The following NELL1 variants were observed in gnomAD, a reference collection of about 807,000 sequenced individuals.
The protein encoded by NELL1 is neural EGFL like 1, also known as protein kinase C-binding protein NELL1.
Under a neutral mutation model 107.4 loss-of-function variants are expected in NELL1, and 76 were observed. The observed-to-expected ratio is 0.71, with a 90% CI of 0.59 to 0.86. The LOEUF is 0.86. Among genes scored for constraint, NELL1 ranks in the 40% least tolerant of loss-of-function variants. NELL1 has a pLI of 0.00. For synonymous variants in NELL1, 353 were observed against 341.2 expected (o/e 1.03, Z -0.38); for missense variants, 1,024 against 1,005.5 (o/e 1.02, Z -0.25).
chr11:20,829,120 C>T (rs573576144), intron 3 of NELL1, among the ~76,000 whole-genome samples: 1 of 151,956 alleles, frequency 6.6e-6, no homozygotes, highest in East Asian at 1.9e-4. Context: ...AAAAATGATA[C>T]AGCAAGTCTT....
chr11:21,076,662 C>A (rs1352061445), intron 12 of NELL1, among the ~76,000 whole-genome samples: 1 of 152,084 alleles, frequency 6.6e-6, no homozygotes, highest in Non-Finnish European at 1.5e-5. Context: ...GAAATTTGAT[C>A]CCCAGTGTTG....
At chr11:21,024,831 C>A (rs368528282) in intron 12 of NELL1, among the ~76,000 whole-genome samples, 1 of 152,082 alleles carries the variant, frequency 6.6e-6, no homozygotes, top group Non-Finnish European at 1.5e-5. Flanking sequence ...TGGTTCATTG[C>A]ATGAAAAAGA....
chr11:20,829,827 G>A (rs935705035), intron 3 of NELL1, among the ~76,000 whole-genome samples: 3 of 151,514 alleles, frequency 2.0e-5, no homozygotes, highest in African/African-American at 7.3e-5. Flanking sequence ...AAATGATGTT[G>A]CTTTTTCTCT....
chr11:20,822,081 C>T (rs969607196), intron 3 of NELL1, among the ~76,000 whole-genome samples: 4 of 152,146 alleles, frequency 2.6e-5, no homozygotes, highest in Non-Finnish European at 4.4e-5. Context: ...CTGAGTGTCC[C>T]CAAGTCAGTC....
chr11:21,139,616 A>G (rs549235277), intron 13 of NELL1, among the ~76,000 whole-genome samples: 8 of 152,334 alleles, frequency 5.3e-5, no homozygotes, highest in South Asian at 2.1e-4. Flanking sequence ...CTTTTCTTCA[A>G]TCCATATCCT....
At chr11:21,021,269 TGATGGGGCTGGG>T (rs1852694168) in intron 12 of NELL1, among the ~76,000 whole-genome samples, 1 of 145,618 alleles carries the variant, frequency 6.9e-6, no homozygotes, top group Admixed American at 7.0e-5. Flanking sequence ...AAGCTTGGCT[TGATGGGGCTGGG>T]GGTGGGGGTG....
chr11:20,970,489 T>C (rs1851476806), intron 12 of NELL1, among the ~76,000 whole-genome samples: 2 of 152,196 alleles, frequency 1.3e-5, no homozygotes, highest in Admixed American at 1.3e-4. Flanking sequence ...TAGGATTTGT[T>C]CTATCCTAGG....
At chr11:21,428,013 T>C (rs1852872977) in intron 15 of NELL1, among the ~76,000 whole-genome samples, 1 of 152,204 alleles carries the variant, frequency 6.6e-6, no homozygotes, top group African/African-American at 2.4e-5. Flanking sequence ...CAGCTGATCC[T>C]GAAGCTGAAT....
At chr11:21,462,870 G>T (rs952010716) in intron 15 of NELL1, among the ~76,000 whole-genome samples, 7 of 151,918 alleles carry the variant, frequency 4.6e-5, no homozygotes, top group African/African-American at 1.4e-4. Context: ...TATCTCCATA[G>T]AAAAATAAAT....
In NELL1 at chr11:21,217,334, G is replaced by A. The variant is rs76157606; in HGVS notation, c.1427-11998G>A. On this transcript the variant is annotated intron_variant, in intron 13 of 19. Coordinates refer to ENST00000357134, the MANE Select transcript of NELL1 (RefSeq NM_006157.5). ...TACATTGGGGAAAGGTAGGCAAAGG[G>A]TACATTGGGGGAAGCTAGGGGAAAG... Among the ~76,000 whole-genome samples, 520 of 152,264 alleles carry A rather than the reference G, an allele frequency of 3.4e-3. 6 individuals carry two copies. The highest frequency in any genetic ancestry group is 0.012 in the African/African-American group (509 of 41,556).
chr11:20,982,912 A>T (rs1310735348), intron 12 of NELL1, among the ~76,000 whole-genome samples: 2 of 152,308 alleles, frequency 1.3e-5, no homozygotes, highest in East Asian at 3.9e-4. Flanking sequence ...ACCTCCAACA[A>T]ATTTACCTTT....
intron 15 of NELL1, among the ~76,000 whole-genome samples, chr11:21,384,489 A>G (rs527417952): frequency 6.6e-6 from 1 of 151,896 alleles, no homozygotes; most frequent in South Asian, 2.1e-4. Context: ...GTACATGTGC[A>G]AAATGTGCAG....
At chr11:21,240,435 A>G (rs1565126172) in intron 14 of NELL1, among the ~76,000 whole-genome samples, 2 of 151,994 alleles carry the variant, frequency 1.3e-5, no homozygotes. Context: ...AAGGAAGAGT[A>G]TTTAGGCCCA....
Position 20,928,407 on chromosome 11 carries a change from T to C in NELL1, c.925T>C (p.Cys309Arg). The C allele has an allele frequency of 6.2e-7, 1 of 1,614,090 alleles. No homozygotes were observed. Among genetic ancestry groups the C allele is most frequent in the Non-Finnish European group, 8.5e-7 (1 of 1,179,968 alleles). ...SGAVECRRMS[C>R]PPLNCSPDSL... The stretch of plus-strand genomic sequence containing the variant: ...TGCCGTGGAATGCCGAAGGATGTCC[T>C]GTCCCCCTCTCAATTGCTCCCCAGA... Residue 309 changes from cysteine (C) to arginine (R), a missense_variant, in exon 9 of 20, where the codon TGT (cysteine) becomes CGT (arginine). By Grantham distance (180) the Cys-to-Arg change is radical. Transcript: ENST00000357134.
rs138630421 is a variant in NELL1, at chr11:21,374,057, T to A, written c.1645+3109T>A. On this transcript the variant is annotated intron_variant, in intron 15 of 19. Transcript: ENST00000357134. ...AACACAAAGTCCTCCTAGAGAATTT[T>A]CACATGTAAAATCAAAGAGCTACAC... Among the ~76,000 whole-genome samples the A allele has an allele frequency of 5.6e-3, 853 of 152,144 alleles. 6 individuals are homozygous for A. Among genetic ancestry groups the A allele is most frequent in the African/African-American group, 0.017 (714 of 41,530 alleles).
intron 15 of NELL1, among the ~76,000 whole-genome samples, chr11:21,506,509 G>A (rs1246872566): frequency 6.6e-6 from 1 of 152,128 alleles, no homozygotes; most frequent in Non-Finnish European, 1.5e-5. Context: ...GGAATAAAAT[G>A]GCCTTCATTC....
At chr11:20,985,557 A>G (rs1851835834) in intron 12 of NELL1, among the ~76,000 whole-genome samples, 1 of 152,200 alleles carries the variant, frequency 6.6e-6, no homozygotes, top group African/African-American at 2.4e-5. Flanking sequence ...GTATGGTGCC[A>G]TAAGAACCCA....
chr11:21,030,931 G>T (rs1045751743), intron 12 of NELL1, among the ~76,000 whole-genome samples: 3 of 152,080 alleles, frequency 2.0e-5, no homozygotes, highest in Non-Finnish European at 4.4e-5. Flanking sequence ...GGGTTCTGCT[G>T]TGTTGCCCAG....
chr11:21,223,917 A>AG (rs1320997470), intron 13 of NELL1, among the ~76,000 whole-genome samples: 1 of 152,078 alleles, frequency 6.6e-6, no homozygotes, highest in African/African-American at 2.4e-5. Flanking sequence ...TCATTTCTGA[A>AG]GGTTAGTTTT....
Sources: allele counts gnomAD v4.1 joint callset (sites outside exome capture counted in the v4.1 genomes callset), GRCh38; gene constraint gnomAD v4.1.1; transcripts MANE v1.5; gene names NCBI Gene and HGNC (gene_info 2026-07-23, HGNC 2026-07-21).